Variants in MIPEP observed in about 807,000 individuals in gnomAD.
MIPEP encodes mitochondrial intermediate peptidase.
MIPEP carries 79 observed loss-of-function variants against 90.3 expected under a neutral mutation model. The ratio of observed to expected loss-of-function variants is 0.87; its 90% CI spans 0.73 to 1.05. MIPEP has a LOEUF of 1.05. Ranked by LOEUF, MIPEP falls within the 50% of genes least tolerant of loss-of-function variation. The pLI is 0.00. For synonymous variants in MIPEP, 334 were observed against 315.8 expected (o/e 1.06, Z -0.61); for missense variants, 940 against 905.6 (o/e 1.04, Z -0.49).
chr13:23,794,664 A>G (rs998437297), intron 16 of MIPEP, among the ~76,000 whole-genome samples: 4 of 152,196 alleles, frequency 2.6e-5, no homozygotes, highest in Admixed American at 6.5e-5. Flanking sequence ...GCAGGCCGAG[A>G]AGAAAAAAAG....
rs764879687 is a variant in MIPEP at position 23,839,717 on chromosome 13, G to A, written c.1270C>T (p.His424Tyr). Residue 424 changes from histidine (H) to tyrosine (Y), a missense_variant, in exon 12 of 19, where the codon CAT becomes TAT. Physicochemically the swap from His to Tyr is moderately conservative, Grantham distance 83. Coordinates refer to ENST00000382172, the MANE Select transcript of MIPEP (RefSeq NM_005932.4). The stretch of plus-strand genomic sequence containing the variant: ...TACCCCAACAATCCTTCAGATTCAT[G>A]AACAACAGCCTAGAAAAAAAAATTT... ...SEDVRKLAVV[H>Y]ESEGLLGYIY... 1.9e-6 allele frequency: 3 copies of A among 1,609,970 alleles called. No homozygotes were observed. The highest frequency in any genetic ancestry group is 2.5e-6 in the Non-Finnish European group (3 of 1,178,880).
In MIPEP at chr13:23,762,351, G is replaced by A. The variant is rs1184842116; in HGVS notation, c.1849-2134C>T. Among the ~76,000 whole-genome samples the A allele has an allele frequency of 3.3e-5, 5 of 152,232 alleles. No homozygotes were observed. The South Asian group carries it at 6.2e-4, about 19-fold the overall frequency. ...AATATGGTTACTTCATCACAGGAAC[G>A]TGGCAGCATACTCCCTGTATTCACT... On this transcript the variant is annotated intron_variant, in intron 16 of 18. Transcript: ENST00000382172.
chr13:23,802,929 T>C (rs1023528170), intron 16 of MIPEP, among the ~76,000 whole-genome samples: 7 of 152,212 alleles, frequency 4.6e-5, no homozygotes, highest in Non-Finnish European at 4.4e-5. Flanking sequence ...TAGGCTAAGC[T>C]ATGACATTCA....
At chr13:23,799,403 CT>C (rs1284439606) in intron 16 of MIPEP, among the ~76,000 whole-genome samples, 4 of 152,124 alleles carry the variant, frequency 2.6e-5, no homozygotes, top group Non-Finnish European at 4.4e-5. Flanking sequence ...TGTGGGCTCA[CT>C]GCAAGCTCCG....
intron 10 of MIPEP, among the ~76,000 whole-genome samples, chr13:23,852,176 G>T (rs1317805094): frequency 6.6e-6 from 1 of 152,182 alleles, no homozygotes; most frequent in Non-Finnish European, 1.5e-5. Context: ...AAAGCCAAGA[G>T]AATGTGGAGG....
chr13:23,842,001 T>A (rs1474374644), intron 10 of MIPEP, among the ~76,000 whole-genome samples: 2 of 152,212 alleles, frequency 1.3e-5, no homozygotes, highest in Non-Finnish European at 2.9e-5. Flanking sequence ...AATAATCAGA[T>A]CTTATCTGTT....
intron 11 of MIPEP, among the ~76,000 whole-genome samples, chr13:23,840,751 A>G (rs1466571359): frequency 1.3e-5 from 2 of 152,222 alleles, no homozygotes; most frequent in Non-Finnish European, 2.9e-5. Context: ...ACAAAACAAT[A>G]CAAAGCCTTA....
chr13:23,780,412 A>G (rs2137360143), intron 16 of MIPEP, among the ~76,000 whole-genome samples: 1 of 152,336 alleles, frequency 6.6e-6, no homozygotes, highest in South Asian at 2.1e-4. Context: ...TAGAAGGAAA[A>G]CTAACAAACA....
chr13:23,842,219 C>T (rs1043615730), intron 10 of MIPEP: 3 of 151,990 alleles, frequency 2.0e-5, no homozygotes, highest in Non-Finnish European at 4.4e-5. Flanking sequence ...ATTGTAGGTT[C>T]TCATTATATG....
intron 16 of MIPEP, among the ~76,000 whole-genome samples, chr13:23,769,726 C>T (rs532600321): frequency 1.3e-5 from 2 of 152,150 alleles, no homozygotes; most frequent in Admixed American, 6.5e-5. Flanking sequence ...AGGAGAGGGA[C>T]AAATGGGACA....
At chr13:23,840,447 T>A (rs1869244949) in intron 11 of MIPEP, among the ~76,000 whole-genome samples, 1 of 152,238 alleles carries the variant, frequency 6.6e-6, no homozygotes, top group South Asian at 2.1e-4. Flanking sequence ...TCTGCAGTTC[T>A]GGGGAAACCC....
intron 1 of MIPEP, chr13:23,888,555 TC>T (rs1871625103): frequency 1.0e-5 from 3 of 288,230 alleles, no homozygotes; most frequent in Admixed American, 1.3e-4. Flanking sequence ...AGTGACCAAT[TC>T]CATGGCACTA....
intron 4 of MIPEP, among the ~76,000 whole-genome samples, 181 bp downstream of exon 4, chr13:23,879,087 A>T (rs773429529): frequency 6.6e-6 from 1 of 152,198 alleles, no homozygotes; most frequent in East Asian, 1.9e-4. Flanking sequence ...GACCCTGTGC[A>T]AAGATTTTGG....
chr13:23,771,896 C>T (rs145723513), intron 16 of MIPEP, among the ~76,000 whole-genome samples: 2 of 152,102 alleles, frequency 1.3e-5, no homozygotes, highest in Admixed American at 6.5e-5. Flanking sequence ...AAAGTACATC[C>T]TATTAACTTT....
chr13:23,886,628 C>T (rs1406316748), intron 1 of MIPEP, 122 bp from the exon 2 acceptor site: 3 of 664,100 alleles, frequency 4.5e-6, no homozygotes, highest in Non-Finnish European at 6.9e-6. Context: ...TCATGTTATA[C>T]CTGTGATCAC....
chr13:23,850,076 T>G (rs1272777589), intron 10 of MIPEP, among the ~76,000 whole-genome samples: 1 of 152,202 alleles, frequency 6.6e-6, no homozygotes, highest in African/African-American at 2.4e-5. Context: ...CCACAGAGGC[T>G]TGTTACAGAA....
At chr13:23,866,432 G>A (rs1000820668) in intron 7 of MIPEP, among the ~76,000 whole-genome samples, 3 of 152,192 alleles carry the variant, frequency 2.0e-5, no homozygotes, top group African/African-American at 7.2e-5. Context: ...TGACCTGCCA[G>A]TCACGGAATC....
At chr13:23,731,967 A>ATT (rs1952210552) in intron 18 of MIPEP, among the ~76,000 whole-genome samples, 1 of 95,000 alleles carries the variant, frequency 1.1e-5, no homozygotes, top group Admixed American at 1.6e-4. Flanking sequence ...CAGAATAGCT[A>ATT]ATTTTTTTTT....
intron 14 of MIPEP, among the ~76,000 whole-genome samples, chr13:23,828,903 G>C (rs976947666): frequency 1.3e-5 from 2 of 151,916 alleles, no homozygotes; most frequent in African/African-American, 4.8e-5. Context: ...AGATATCAAG[G>C]CTTATTATTA....
Sources: gnomAD v4.1 joint callset for allele counts (sites outside exome capture counted in the v4.1 genomes callset) on GRCh38, gnomAD v4.1.1 for gene constraint, MANE v1.5 for transcripts, NCBI Gene and HGNC (gene_info 2026-07-23, HGNC 2026-07-21) for gene names.